The following ITSN2 variants were observed in gnomAD, a reference collection of about 807,000 sequenced individuals.
ITSN2 encodes the protein intersectin-2.
In ITSN2, 156 loss-of-function variants were observed where a neutral mutation model predicts 243.7. The observed-to-expected ratio is 0.64, with a 90% CI of 0.56 to 0.73. The LOEUF (loss-of-function observed/expected upper bound fraction) is 0.73. Among genes scored for constraint, ITSN2 ranks in the 30% least tolerant of loss-of-function variants. ITSN2 has a pLI of 0.00. For missense variants in ITSN2, 1,801 were observed against 1,996.1 expected (o/e 0.90, Z 1.86); for synonymous variants, 703 against 699.9 (o/e 1.00, Z -0.07).
intron 20 of ITSN2, among the ~76,000 whole-genome samples, chr2:24,267,358 C>T (rs1676784365): frequency 7.1e-6 from 1 of 141,580 alleles, no homozygotes; most frequent in Non-Finnish European, 1.5e-5. Flanking sequence ...ACGTTCTGCA[C>T]ATGTATCCCA....
intron 2 of ITSN2, among the ~76,000 whole-genome samples, chr2:24,324,929 C>T (rs1475309232): frequency 6.7e-6 from 1 of 150,228 alleles, no homozygotes; most frequent in South Asian, 2.1e-4. Flanking sequence ...AGAGACTCTA[C>T]CAGCCAAGAA....
chr2:24,246,645 C>G, intron 28 of ITSN2, 152 bp downstream of exon 28: 1 of 599,580 alleles, frequency 1.7e-6, no homozygotes, highest in Non-Finnish European at 2.9e-6. Context: ...CTGAACTTTT[C>G]AGAAAGGAAA....
chr2:24,222,918 C>T (rs975436013), intron 29 of ITSN2, among the ~76,000 whole-genome samples: 3 of 152,126 alleles, frequency 2.0e-5, no homozygotes, highest in South Asian at 4.2e-4. Flanking sequence ...TCAGGTGATC[C>T]GCCCACCTTG....
At chr2:24,326,471 T>C (rs996285987) in intron 2 of ITSN2, among the ~76,000 whole-genome samples, 2 of 152,246 alleles carry the variant, frequency 1.3e-5, no homozygotes, top group African/African-American at 4.8e-5. Flanking sequence ...AACTGTTTAA[T>C]GCAAATTCCT....
chr2:24,281,413 C>T (rs1183030997), intron 17 of ITSN2, among the ~76,000 whole-genome samples: 1 of 152,200 alleles, frequency 6.6e-6, no homozygotes, highest in Non-Finnish European at 1.5e-5. Context: ...CCTCTCTTCA[C>T]ATCCTTCATG....
At chr2:24,346,776 G>A (rs933918071) in intron 1 of ITSN2, among the ~76,000 whole-genome samples, 3 of 150,944 alleles carry the variant, frequency 2.0e-5, no homozygotes, top group Admixed American at 2.0e-4. Context: ...CTCAGAAGTA[G>A]AAGAGTATAG....
At chr2:24,242,668 A>C (rs1395025897) in intron 29 of ITSN2, among the ~76,000 whole-genome samples, 4 of 152,198 alleles carry the variant, frequency 2.6e-5, no homozygotes, top group African/African-American at 2.4e-5. Context: ...TCAAGTAAAC[A>C]AAATCGGTAC....
chr2:24,207,074 G>A (rs1332421405), intron 37 of ITSN2, among the ~76,000 whole-genome samples: 3 of 151,998 alleles, frequency 2.0e-5, no homozygotes, highest in Non-Finnish European at 4.4e-5. Context: ...GTGGGGATGG[G>A]CCCTGAGTGT....
chr2:24,205,171 G>A (rs950873330), intron 38 of ITSN2, 43 bp downstream of exon 38: 6 of 1,532,844 alleles, frequency 3.9e-6, no homozygotes, highest in Non-Finnish European at 5.4e-6. Flanking sequence ...AAAAACTGGG[G>A]CAGGGCAGTT....
At chr2:24,286,487 AGAAAAC>A in intron 15 of ITSN2, 136 bp from the exon 16 acceptor site, 1 of 619,824 alleles carries the variant, frequency 1.6e-6, no homozygotes, top group Non-Finnish European at 2.8e-6. Context: ...CCAGTACAAG[AGAAAAC>A]ATTCAGTTGT....
At chr2:24,314,198 T>C (rs1683633332) in intron 3 of ITSN2, among the ~76,000 whole-genome samples, 1 of 152,220 alleles carries the variant, frequency 6.6e-6, no homozygotes, top group Admixed American at 6.5e-5. Flanking sequence ...TAGATGCCAA[T>C]GCTCATTTTG....
intron 37 of ITSN2, among the ~76,000 whole-genome samples, chr2:24,206,896 C>T (rs535715081): frequency 3.3e-5 from 5 of 152,060 alleles, no homozygotes; most frequent in African/African-American, 7.2e-5. Flanking sequence ...CTGTGTTTGA[C>T]GTGGGCCTTG....
intron 1 of ITSN2, among the ~76,000 whole-genome samples, chr2:24,347,756 T>C (rs1011384259): frequency 1.3e-5 from 2 of 151,558 alleles, no homozygotes; most frequent in African/African-American, 4.8e-5. Flanking sequence ...ATGAACCACA[T>C]ATACCAAAAT....
chr2:24,308,239 C>A (rs767856053), intron 8 of ITSN2, among the ~76,000 whole-genome samples: 3 of 152,138 alleles, frequency 2.0e-5, no homozygotes, highest in Non-Finnish European at 4.4e-5. Context: ...GAGAAAAAGC[C>A]CAATGCAGAG....
At chr2:24,236,158 T>G (rs1672126838) in intron 29 of ITSN2, among the ~76,000 whole-genome samples, 1 of 152,188 alleles carries the variant, frequency 6.6e-6, no homozygotes, top group Non-Finnish European at 1.5e-5. Flanking sequence ...GGATGTTAAT[T>G]TGGCCATAAA....
intron 39 of ITSN2, 47 bp from the exon 40 acceptor site, chr2:24,203,830 A>C: frequency 6.5e-7 from 1 of 1,544,896 alleles, no homozygotes; most frequent in Non-Finnish European, 8.8e-7. Context: ...TCTTTATAAA[A>C]TCATTAAAGA....
intron 27 of ITSN2, 47 bp downstream of exon 27, chr2:24,248,582 C>CAGT (rs1558482415): frequency 6.7e-7 from 1 of 1,483,320 alleles, no homozygotes; most frequent in Non-Finnish European, 9.2e-7. Flanking sequence ...ATGGAGCATG[C>CAGT]AGTACTTTTA....
chr2:24,342,437 G>T (rs1389663685), intron 1 of ITSN2, among the ~76,000 whole-genome samples: 1 of 150,864 alleles, frequency 6.6e-6, no homozygotes, highest in Non-Finnish European at 1.5e-5. Flanking sequence ...AAGCTCAAGT[G>T]ATCCTCCCAC....
At chr2:24,208,830 A>G (rs918504936) in intron 36 of ITSN2, among the ~76,000 whole-genome samples, 1 of 152,184 alleles carries the variant, frequency 6.6e-6, no homozygotes, top group Non-Finnish European at 1.5e-5. Context: ...CAGCCCCTGC[A>G]GGGACTGTAG....
Sources: gnomAD v4.1 joint callset for allele counts (sites outside exome capture counted in the v4.1 genomes callset) on GRCh38, gnomAD v4.1.1 for gene constraint, MANE v1.5 for transcripts, NCBI Gene and HGNC (gene_info 2026-07-23, HGNC 2026-07-21) for gene names.